The following KIF16B variants were observed in gnomAD, a reference collection of about 807,000 sequenced individuals.
KIF16B encodes kinesin family member 16B, also known as kinesin-like protein KIF16B.
KIF16B carries 98 observed loss-of-function variants against 156.3 expected under a neutral mutation model. The observed-to-expected ratio is 0.63, with a 90% CI of 0.53 to 0.74. KIF16B has a LOEUF of 0.74. KIF16B is among the 30% of genes least tolerant of loss of function. The probability of loss-of-function intolerance (pLI) is 0.00; values close to 1 mark genes in which losing one functional copy is unlikely to be tolerated. For synonymous variants in KIF16B, 564 were observed against 583.7 expected, an observed-to-expected ratio of 0.97 and a Z score of 0.49; for missense variants, 1,421 against 1,606.5, an observed-to-expected ratio of 0.88 and a Z score of 1.97.
intron 11 of KIF16B, among the ~76,000 whole-genome samples, chr20:16,496,203 G>T (rs1013557934): frequency 3.9e-5 from 6 of 152,302 alleles, no homozygotes; most frequent in Non-Finnish European, 8.8e-5. Context: ...GAAAAGACTG[G>T]TGTACTGAAT....
chr20:16,559,134 C>A (rs887888403), intron 1 of KIF16B, among the ~76,000 whole-genome samples: 1 of 151,866 alleles, frequency 6.6e-6, no homozygotes, highest in South Asian at 2.1e-4. Context: ...TGCCTAAAAC[C>A]AATACTTGCC....
chr20:16,364,247 C>G (rs1364527100), intron 22 of KIF16B, among the ~76,000 whole-genome samples: 1 of 152,208 alleles, frequency 6.6e-6, no homozygotes, highest in African/African-American at 2.4e-5. Flanking sequence ...GTCTGTAAAA[C>G]AGGCAGCTGT....
Position 16,508,066 on chromosome 20 carries a change from G to A in KIF16B, c.591C>T (p.Asp197=), listed in dbSNP as rs761410131. The change falls in exon 7 of 26, where the codon GAC becomes GAT. Residue 197 remains aspartate (D), a synonymous_variant. Coordinates refer to ENST00000354981, the MANE Select transcript of KIF16B (RefSeq NM_024704.5). The part of the protein sequence containing the change: ...LSKHLVQNYG[D]VEELMDAGNI... ...TGCCCGCATCCATAAGTTCTTCTAC[G>A]TCACCATAATTCTGTACTAAATGTT... is the stretch of plus-strand genomic sequence containing the variant. 5.6e-6 allele frequency: 9 copies of A among 1,613,950 alleles called. No homozygotes were observed. Among genetic ancestry groups the A allele is most frequent in the Middle Eastern group, 1.6e-4 (1 of 6,082 alleles).
rs777989946 is a variant in KIF16B, at chr20:16,424,150, C to T, written c.1612+2954G>A. On this transcript the variant is annotated intron_variant, in intron 15 of 25. Transcript: ENST00000354981. ...CTGAGGGATCACTGAGTGCTCACTG[C>T]TTTGGGTTGGTCATCTACAATTGCT... 3.3e-5 allele frequency among the ~76,000 whole-genome samples: 5 copies of T among 152,102 alleles called. No individual in the cohort carries two copies. The South Asian group carries it at 6.2e-4, about 19-fold the overall frequency.
chr20:16,451,340 T>C (rs1161303740), intron 12 of KIF16B, among the ~76,000 whole-genome samples: 8 of 150,672 alleles, frequency 5.3e-5, no homozygotes, highest in Non-Finnish European at 1.0e-4. Context: ...GAAAAAAAAA[T>C]GGAGCTCCTC....
At chr20:16,349,852 A>G (rs1335190535) in intron 23 of KIF16B, among the ~76,000 whole-genome samples, 1 of 152,188 alleles carries the variant, frequency 6.6e-6, no homozygotes, top group Non-Finnish European at 1.5e-5. Flanking sequence ...TCTTGGCCCT[A>G]AGTGTCTAGG....
chr20:16,380,756 G>C (rs1367823465), intron 18 of KIF16B, among the ~76,000 whole-genome samples: 2 of 152,198 alleles, frequency 1.3e-5, no homozygotes, highest in African/African-American at 2.4e-5. Context: ...AGCCTCCATT[G>C]GAATATACAA....
chr20:16,372,749 G>A (rs1339935575), intron 20 of KIF16B, among the ~76,000 whole-genome samples: 4 of 152,174 alleles, frequency 2.6e-5, no homozygotes, highest in African/African-American at 9.6e-5. Context: ...TCAGCCTGGA[G>A]GGCTGTGGTA....
chr20:16,359,727 T>C (rs1446511540), intron 22 of KIF16B, among the ~76,000 whole-genome samples: 1 of 151,974 alleles, frequency 6.6e-6, no homozygotes, highest in Non-Finnish European at 1.5e-5. Context: ...GACCAGGTAT[T>C]TGAGAATGAG....
At chr20:16,538,756 A>G (rs1384757327) in intron 1 of KIF16B, among the ~76,000 whole-genome samples, 1 of 152,194 alleles carries the variant, frequency 6.6e-6, no homozygotes, top group Non-Finnish European at 1.5e-5. Context: ...CTCATGATGA[A>G]TTGTAATCTC....
intron 12 of KIF16B, among the ~76,000 whole-genome samples, chr20:16,466,430 C>T (rs961489500): frequency 5.9e-5 from 9 of 152,340 alleles, no homozygotes; most frequent in South Asian, 2.1e-4. Context: ...ATAATCCCCA[C>T]GTGTCGTGGG....
chr20:16,295,559 C>G (rs1601513953), intron 25 of KIF16B, among the ~76,000 whole-genome samples: 1 of 150,150 alleles, frequency 6.7e-6, no homozygotes, highest in Admixed American at 6.7e-5. Context: ...TCTTATTATA[C>G]TATGTTTTAT....
At chr20:16,447,136 C>T (rs2066954686) in intron 12 of KIF16B, among the ~76,000 whole-genome samples, 1 of 152,092 alleles carries the variant, frequency 6.6e-6, no homozygotes, top group African/African-American at 2.4e-5. Flanking sequence ...TACATCTCTT[C>T]AGGGGCTTAT....
At chr20:16,312,510 G>A in intron 24 of KIF16B, 92 bp from the exon 25 acceptor site, 1 of 991,288 alleles carries the variant, frequency 1.0e-6, no homozygotes, top group Non-Finnish European at 1.5e-6. Context: ...TCTTCCATGG[G>A]GTGAAAAGAA....
chr20:16,558,897 C>CAAA (rs11478258), intron 1 of KIF16B, among the ~76,000 whole-genome samples: 107 of 62,022 alleles, frequency 1.7e-3, no homozygotes, highest in Non-Finnish European at 2.5e-3. Context: ...GAGCAAGACT[C>CAAA]AAAAAAAAAA....
chr20:16,347,176 G>C (rs2064249348), intron 23 of KIF16B, among the ~76,000 whole-genome samples: 1 of 152,194 alleles, frequency 6.6e-6, no homozygotes, highest in South Asian at 2.1e-4. Context: ...TCCTGGCACT[G>C]TGACTCCGTT....
At chr20:16,406,526 G>A (rs2065791508) in intron 15 of KIF16B, 70 bp from the exon 16 acceptor site, 1 of 1,218,596 alleles carries the variant, frequency 8.2e-7, no homozygotes, top group African/African-American at 1.5e-5. Flanking sequence ...CCATAACATG[G>A]AATTCTACTG....
intron 24 of KIF16B, among the ~76,000 whole-genome samples, chr20:16,331,576 A>G (rs149044618): frequency 9.4e-4 from 143 of 152,336 alleles, no homozygotes; most frequent in African/African-American, 3.0e-3. Context: ...TTAAAAATAT[A>G]CTATCATCAA....
At chr20:16,381,870 C>T in intron 17 of KIF16B, 123 bp from the exon 18 acceptor site, 3 of 840,860 alleles carry the variant, frequency 3.6e-6, no homozygotes, top group Non-Finnish European at 5.4e-6. Context: ...CTTTTAATTA[C>T]CACGGGTTAG....
Sources: allele counts gnomAD v4.1 joint callset (sites outside exome capture counted in the v4.1 genomes callset), GRCh38; gene constraint gnomAD v4.1.1; transcripts MANE v1.5; gene names NCBI Gene and HGNC (gene_info 2026-07-23, HGNC 2026-07-21).